The following RNF180 variants were observed in gnomAD, a reference collection of about 807,000 sequenced individuals.
The protein encoded by RNF180 is ring finger protein 180.
Under a neutral mutation model 59.2 loss-of-function variants are expected in RNF180, and 38 were observed. The ratio of observed to expected loss-of-function variants is 0.64; its 90% CI spans 0.50 to 0.84. The LOEUF (loss-of-function observed/expected upper bound fraction) is 0.84. RNF180 is among the 40% of genes least tolerant of loss of function. The pLI is 0.00. For missense variants in RNF180, 705 were observed against 700.9 expected, an observed-to-expected ratio of 1.01 and a Z score of -0.07; for synonymous variants, 262 against 240.3, an observed-to-expected ratio of 1.09 and a Z score of -0.84.
chr5:64,199,230 T>C (rs1751606819), intron 1 of RNF180, among the ~76,000 whole-genome samples: 1 of 152,230 alleles, frequency 6.6e-6, no homozygotes, highest in Non-Finnish European at 1.5e-5. Context: ...GCCTGTCTAC[T>C]TGAAGGTCTG....
intron 5 of RNF180, among the ~76,000 whole-genome samples, chr5:64,318,474 C>A (rs1361473745): frequency 6.6e-6 from 1 of 152,048 alleles, no homozygotes; most frequent in East Asian, 1.9e-4. Flanking sequence ...TGGAGTTTTC[C>A]ATTTAATATT....
intron 5 of RNF180, among the ~76,000 whole-genome samples, chr5:64,290,885 A>G (rs1441874370): frequency 6.6e-6 from 1 of 152,060 alleles, no homozygotes; most frequent in Non-Finnish European, 1.5e-5. Flanking sequence ...TCTAAAGTTA[A>G]TATTGTTATT....
chr5:64,362,075 T>C (rs894895130), intron 7 of RNF180, among the ~76,000 whole-genome samples: 1 of 151,526 alleles, frequency 6.6e-6, no homozygotes, highest in African/African-American at 2.4e-5. Flanking sequence ...TAAATTTAAT[T>C]TATTGATTAA....
At chr5:64,183,730 G>A (rs925746477) in intron 1 of RNF180, among the ~76,000 whole-genome samples, 1 of 152,158 alleles carries the variant, frequency 6.6e-6, no homozygotes, top group Non-Finnish European at 1.5e-5. Flanking sequence ...TTACAGGCGT[G>A]AGCCACTGTT....
intron 1 of RNF180, among the ~76,000 whole-genome samples, chr5:64,194,376 G>T (rs575784456): frequency 3.9e-5 from 6 of 152,166 alleles, no homozygotes; most frequent in South Asian, 2.1e-4. Flanking sequence ...GGTGTATATG[G>T]GCCACATTTT....
At chr5:64,190,817 C>A (rs1335625463) in intron 1 of RNF180, among the ~76,000 whole-genome samples, 1 of 152,096 alleles carries the variant, frequency 6.6e-6, no homozygotes, top group Non-Finnish European at 1.5e-5. Context: ...AGAAGCCTCA[C>A]CAGAAAACAA....
In RNF180 at chr5:64,204,223, A is replaced by G. The variant is rs1342594636; in HGVS notation, c.135+3281A>G. 2.0e-5 allele frequency among the ~76,000 whole-genome samples: 3 copies of G among 152,162 alleles called. No homozygotes were observed. The East Asian group carries it at 5.8e-4, about 29-fold the overall frequency. On this transcript the variant is annotated intron_variant, in intron 2 of 7. Transcript: ENST00000389100. ...TTGAAATTCTTGTTGAAAGATCTCTAAAGTCTTTGTTGATAGTCATTTGGG... is the reference window on the plus strand; with the variant it reads ...TTGAAATTCTTGTTGAAAGATCTCTGAAGTCTTTGTTGATAGTCATTTGGG...
chr5:64,279,496 C>T (rs993164946), intron 5 of RNF180, among the ~76,000 whole-genome samples: 4 of 151,882 alleles, frequency 2.6e-5, no homozygotes, highest in Non-Finnish European at 4.4e-5. Flanking sequence ...ATGTGTGTCT[C>T]CTTTAGGGAA....
chr5:64,214,385 C>T lies in RNF180; in HGVS notation c.1059C>T (p.Ser353=), dbSNP rs1359212696. ...PEASDQEEHL[S]PLDFLHSANF... Reference sequence around the variant, plus strand: ...CCTCAGACCAGGAAGAGCACCTCTCCCCTCTGGACTTCCTGCACTCAGCCA... The same window carrying T: ...CCTCAGACCAGGAAGAGCACCTCTCTCCTCTGGACTTCCTGCACTCAGCCA... Residue 353 remains serine, a synonymous_variant, in exon 4 of 8, where the codon TCC becomes TCT. Coordinates refer to ENST00000389100, the MANE Select transcript of RNF180 (RefSeq NM_001113561.2). 2 of 1,613,962 alleles carry T rather than the reference C, an allele frequency of 1.2e-6. No homozygotes were observed. The highest frequency in any genetic ancestry group is 1.3e-5 in the African/African-American group (1 of 74,920).
chr5:64,291,487 C>T (rs535093381), intron 5 of RNF180, among the ~76,000 whole-genome samples: 21 of 128,600 alleles, frequency 1.6e-4, no homozygotes, highest in Non-Finnish European at 2.5e-4. Context: ...TGCAGTGGTG[C>T]GATCTTGGCT....
chr5:64,278,051 C>T (rs1040107538), intron 5 of RNF180, among the ~76,000 whole-genome samples: 5 of 152,060 alleles, frequency 3.3e-5, no homozygotes, highest in Non-Finnish European at 7.4e-5. Context: ...TCATTGTTTG[C>T]TATAATGTGT....
At chr5:64,296,786 T>G (rs10063060) in intron 5 of RNF180, among the ~76,000 whole-genome samples, 67,830 of 152,052 alleles carry the variant, frequency 0.45, 16,476 homozygotes, top group African/African-American at 0.64. Context: ...AGTTGGAGCT[T>G]CTGCTACCTC....
intron 3 of RNF180, 101 bp from the exon 4 acceptor site, chr5:64,213,457 G>T (rs532399875): frequency 7.0e-5 from 68 of 976,534 alleles, no homozygotes; most frequent in Non-Finnish European, 9.8e-5. Flanking sequence ...CTTTTCTGTG[G>T]CATAGAAAAC....
chr5:64,245,567 C>A (rs1192089763), intron 5 of RNF180, among the ~76,000 whole-genome samples: 3 of 152,224 alleles, frequency 2.0e-5, no homozygotes, highest in Non-Finnish European at 4.4e-5. Flanking sequence ...GAAGAGCTAA[C>A]TATCCTAAAT....
chr5:64,370,833 G>C lies in RNF180; in HGVS notation c.*1019G>C, dbSNP rs1746634820. ...GCAGAGACTTAAGCTTATTTATTCA[G>C]TTATTCTGGTGGTCTTTGTGAAACC... On this transcript the variant is annotated 3_prime_UTR_variant, in exon 8 of 8. Coordinates refer to ENST00000389100, the MANE Select transcript of RNF180 (RefSeq NM_001113561.2). The C allele has an allele frequency of 6.6e-6, 1 of 151,606 alleles. No individual in the cohort carries two copies. Among genetic ancestry groups the C allele is most frequent in the African/African-American group, 2.4e-5 (1 of 41,388 alleles). The allele number at this position is 151,606 out of a possible 1,614,324, so 9.4% of individuals were successfully genotyped here. A position where few individuals can be genotyped will look rare whatever the true frequency, so the allele number is the denominator to read the frequency against.
chr5:64,350,853 G>T (rs1383304364), intron 7 of RNF180, among the ~76,000 whole-genome samples: 1 of 152,134 alleles, frequency 6.6e-6, no homozygotes, highest in Non-Finnish European at 1.5e-5. Flanking sequence ...GATGCCTCCA[G>T]CTTTGTTCTT....
intron 1 of RNF180, among the ~76,000 whole-genome samples, chr5:64,183,222 C>G (rs1750700308): frequency 6.6e-6 from 1 of 152,096 alleles, no homozygotes; most frequent in Non-Finnish European, 1.5e-5. Flanking sequence ...GTTTCCTCAT[C>G]TATAAAATGG....
At chr5:64,247,230 C>A (rs1743239564) in intron 5 of RNF180, among the ~76,000 whole-genome samples, 1 of 152,142 alleles carries the variant, frequency 6.6e-6, no homozygotes, top group African/African-American at 2.4e-5. Flanking sequence ...TCTCACCACT[C>A]CGATTCAGTA....
chr5:64,330,335 A>G lies in RNF180; in HGVS notation c.1508A>G (p.Gln503Arg), dbSNP rs533376697. The change falls in exon 7 of 8, where the codon CAA becomes CGA. Residue 503 changes from glutamine to arginine, a missense_variant. Gln to Arg is a conservative substitution (Grantham distance 43). Transcript: ENST00000389100. ...FFTKEYLKIK[Q>R]SFQKSNSAKW... ...ACTAAAGAATATTTGAAAATAAAAC[A>G]AAGCTTTCAGAAATCCAACTCTGCA... 9.7e-6 allele frequency: 15 copies of G among 1,540,310 alleles called. No individual in the cohort carries two copies. The highest frequency in any genetic ancestry group is 4.1e-5 in the African/African-American group (3 of 72,724).
Sources: gnomAD v4.1 joint callset for allele counts (sites outside exome capture counted in the v4.1 genomes callset) on GRCh38, gnomAD v4.1.1 for gene constraint, MANE v1.5 for transcripts, NCBI Gene and HGNC (gene_info 2026-07-23, HGNC 2026-07-21) for gene names.